The following KCNH5 variants were observed in gnomAD, a reference collection of about 807,000 sequenced individuals.
KCNH5 encodes the protein voltage-gated delayed rectifier potassium channel KCNH5.
A neutral mutation model predicts 96.1 loss-of-function variants in KCNH5; 46 were observed. The observed-to-expected ratio is 0.48, with a 90% CI of 0.38 to 0.61. KCNH5 has a LOEUF of 0.61. Among genes scored for constraint, KCNH5 ranks in the 20% least tolerant of loss-of-function variants. The pLI, the probability that KCNH5 is intolerant of heterozygous loss-of-function variation, is 0.00. For synonymous variants in KCNH5, 439 were observed against 449.8 expected (o/e 0.98, Z 0.30); for missense variants, 907 against 1,225.8 (o/e 0.74, Z 3.88).
At chr14:62,829,237 C>T (rs1390574531) in intron 8 of KCNH5, among the ~76,000 whole-genome samples, 1 of 152,118 alleles carries the variant, frequency 6.6e-6, no homozygotes, top group Non-Finnish European at 1.5e-5. Context: ...ACAGTGCAAG[C>T]TCTCCATGGA....
At chr14:62,920,217 T>C (rs1889353928) in intron 7 of KCNH5, among the ~76,000 whole-genome samples, 1 of 151,862 alleles carries the variant, frequency 6.6e-6, no homozygotes, top group Admixed American at 6.6e-5. Context: ...TGTGGAGGGA[T>C]AGGGAAAAGA....
chr14:62,983,537 C>A lies in KCNH5; in HGVS notation c.550-2273G>T, dbSNP rs150538109. Among the ~76,000 whole-genome samples the A allele has an allele frequency of 8.5e-4, 129 of 152,090 alleles. 1 individual carries two copies. The highest frequency in any genetic ancestry group is 3.1e-3 in the African/African-American group (127 of 41,478). On this transcript the variant is annotated intron_variant, in intron 5 of 10. Transcript: ENST00000322893. Reference sequence around the variant, plus strand: ...TGCTGTTAATAGAAATTGAAACATCCTATAGACCCGTAAAAGTGTTGTGGG... The same window carrying A: ...TGCTGTTAATAGAAATTGAAACATCATATAGACCCGTAAAAGTGTTGTGGG...
chr14:62,985,027 A>G (rs1462200327), intron 5 of KCNH5, among the ~76,000 whole-genome samples: 1 of 152,172 alleles, frequency 6.6e-6, no homozygotes, highest in Non-Finnish European at 1.5e-5. Context: ...ACAATCACAG[A>G]AACAACCTCC....
chr14:62,996,256 C>G, intron 4 of KCNH5, among the ~76,000 whole-genome samples: 1 of 152,110 alleles, frequency 6.6e-6, no homozygotes, highest in East Asian at 1.9e-4. Flanking sequence ...GTTAAATGTA[C>G]AGTTCACATG....
intron 1 of KCNH5, among the ~76,000 whole-genome samples, chr14:63,023,085 C>T (rs370773839): frequency 6.6e-6 from 1 of 151,878 alleles, no homozygotes; most frequent in African/African-American, 2.4e-5. Context: ...CACCTGTAGT[C>T]CCAGCTACCC....
At chr14:62,915,319 A>G (rs1200139737) in intron 7 of KCNH5, among the ~76,000 whole-genome samples, 1 of 152,224 alleles carries the variant, frequency 6.6e-6, no homozygotes, top group African/African-American at 2.4e-5. Flanking sequence ...GACACATTGA[A>G]TAGAATATTT....
At chr14:62,932,768 A>G (rs1889605369) in intron 7 of KCNH5, among the ~76,000 whole-genome samples, 1 of 152,152 alleles carries the variant, frequency 6.6e-6, no homozygotes, top group African/African-American at 2.4e-5. Context: ...ATTTATAAGA[A>G]TCAAGGCTCA....
chr14:62,839,468 A>G (rs1207713083), intron 8 of KCNH5, among the ~76,000 whole-genome samples: 1 of 152,196 alleles, frequency 6.6e-6, no homozygotes, highest in Non-Finnish European at 1.5e-5. Context: ...TGCTGTCACA[A>G]TACATATGGG....
chr14:62,941,948 TC>T (rs1889797942), intron 7 of KCNH5, among the ~76,000 whole-genome samples: 1 of 152,192 alleles, frequency 6.6e-6, no homozygotes, highest in African/African-American at 2.4e-5. Flanking sequence ...CACATGCCTT[TC>T]AGTCTTCCTA....
chr14:62,990,140 A>G (rs1175233446), intron 4 of KCNH5, among the ~76,000 whole-genome samples: 1 of 152,102 alleles, frequency 6.6e-6, no homozygotes, highest in Non-Finnish European at 1.5e-5. Context: ...TGAAAAAAAA[A>G]GGAGACATTT....
At chr14:62,787,866 G>T (rs547466788) in intron 9 of KCNH5, among the ~76,000 whole-genome samples, 2 of 152,170 alleles carry the variant, frequency 1.3e-5, no homozygotes, top group Non-Finnish European at 2.9e-5. Context: ...CAGAAAAAAA[G>T]ATTCATTTGA....
intron 7 of KCNH5, among the ~76,000 whole-genome samples, chr14:62,863,573 C>T (rs371163439): frequency 2.0e-4 from 31 of 152,182 alleles, no homozygotes; most frequent in African/African-American, 7.2e-4. Flanking sequence ...AGAAGAGATG[C>T]CTCTACCAAG....
intron 7 of KCNH5, chr14:62,949,875 A>G (rs1010334724): frequency 1.1e-5 from 3 of 274,822 alleles, no homozygotes; most frequent in African/African-American, 6.8e-5. Context: ...ACCTCTCTGG[A>G]TGCTGGTCCT....
At chr14:62,973,502 C>T (rs549391613) in intron 6 of KCNH5, among the ~76,000 whole-genome samples, 1 of 152,266 alleles carries the variant, frequency 6.6e-6, no homozygotes, top group East Asian at 1.9e-4. Context: ...CTGTCTTCTG[C>T]TACATGAAGA....
At position 63,045,431 on chromosome 14, in the gene KCNH5, G is replaced by A; in HGVS notation, c.-245C>T. The A allele has an allele frequency of 1.9e-6, 1 of 533,912 alleles. No individual in the cohort carries two copies. Among genetic ancestry groups the A allele is most frequent in the Non-Finnish European group, 3.4e-6 (1 of 296,070 alleles). 33.1% of individuals were successfully genotyped at this position (533,912 alleles called of 1,614,324 possible). On this transcript the variant is annotated 5_prime_UTR_variant, in exon 1 of 11. Transcript: ENST00000322893. ...CGGCCGCCGCTGCCCAGACTGTGGC[G>A]GTGCCGCACACGGGGCTCGGGAACT...
chr14:62,921,320 G>A (rs1195752086), intron 7 of KCNH5, among the ~76,000 whole-genome samples: 2 of 152,084 alleles, frequency 1.3e-5, no homozygotes, highest in African/African-American at 4.8e-5. Context: ...ATAGAAAGAA[G>A]ATAAATTAAA....
intron 7 of KCNH5, among the ~76,000 whole-genome samples, chr14:62,948,830 C>G (rs993888387): frequency 1.9e-4 from 27 of 144,402 alleles, no homozygotes; most frequent in Non-Finnish European, 1.2e-4. Context: ...TGGGCTTCAT[C>G]CCTGGGATGC....
chr14:62,905,668 T>G (rs1260652449), intron 7 of KCNH5, among the ~76,000 whole-genome samples: 1 of 152,192 alleles, frequency 6.6e-6, no homozygotes, highest in Non-Finnish European at 1.5e-5. Flanking sequence ...CCCAACTTCC[T>G]GCTCAGTGAA....
chr14:62,768,231 C>A (rs1375518971), intron 10 of KCNH5, among the ~76,000 whole-genome samples: 2 of 151,910 alleles, frequency 1.3e-5, no homozygotes, highest in South Asian at 4.2e-4. Context: ...AAATTAAAAA[C>A]AAAGAAAAAG....
Sources: gnomAD v4.1 joint callset for allele counts (sites outside exome capture counted in the v4.1 genomes callset) on GRCh38, gnomAD v4.1.1 for gene constraint, MANE v1.5 for transcripts, NCBI Gene and HGNC (gene_info 2026-07-23, HGNC 2026-07-21) for gene names.